The following ZNF821 variants were observed in gnomAD, a reference collection of about 807,000 sequenced individuals.
ZNF821 encodes zinc finger protein 821.
In ZNF821, 16 loss-of-function variants were observed where a neutral mutation model predicts 44.3. The ratio of observed to expected loss-of-function variants is 0.36; its 90% CI spans 0.24 to 0.55. The LOEUF (loss-of-function observed/expected upper bound fraction) is 0.55. ZNF821 is among the 20% of genes least tolerant of loss of function. The pLI is 0.86. For synonymous variants in ZNF821, 204 were observed against 197.6 expected (o/e 1.03, Z -0.27); for missense variants, 436 against 547.6 (o/e 0.80, Z 2.03).
chr16:71,870,407 T>C (rs1268729040), intron 3 of ZNF821, among the ~76,000 whole-genome samples: 1 of 151,648 alleles, frequency 6.6e-6, no homozygotes, highest in East Asian at 1.9e-4. Flanking sequence ...AATACTTCCT[T>C]GTCCCTTTGC....
Position 71,865,051 on chromosome 16 carries a change from G to A in ZNF821, c.167-3C>T. ...CTCTTCATCACCCTCACTGTCACCT[G>A]GAACACACAAACTGGTCACTTGTTC... is the stretch of plus-strand genomic sequence containing the variant. On this transcript the variant is annotated splice_region_variant and splice_polypyrimidine_tract_variant and intron_variant, in intron 4 of 7. Coordinates refer to ENST00000425432, the MANE Select transcript of ZNF821 (RefSeq NM_001201552.2). 1 of 1,614,104 alleles carries A rather than the reference G, an allele frequency of 6.2e-7. No homozygotes were observed. The highest frequency in any genetic ancestry group is 2.2e-5 in the East Asian group (1 of 44,882).
At chr16:71,886,897 A>G (rs962454577), upstream of ZNF821, among the ~76,000 whole-genome samples, 1 of 152,256 alleles carries the variant, frequency 6.6e-6, no homozygotes, top group Non-Finnish European at 1.5e-5. Context: ...TGGACATTTC[A>G]TATAAATGTG....
In ZNF821 at chr16:71,879,902, C is replaced by T; in HGVS notation, c.40+5G>A. ...AGGTTCCAGAAGACAAAGCCCGATACTCACAGTGAACTTTATTTGGATTTG... is the reference window on the plus strand; with the variant it reads ...AGGTTCCAGAAGACAAAGCCCGATATTCACAGTGAACTTTATTTGGATTTG... On this transcript the variant is annotated splice_donor_5th_base_variant and intron_variant, in intron 3 of 7. Transcript: ENST00000425432. 1 of 1,613,536 alleles carries T rather than the reference C, an allele frequency of 6.2e-7. No homozygotes were observed. Among genetic ancestry groups the T allele is most frequent in the East Asian group, 2.2e-5 (1 of 44,838 alleles).
intron 1 of ZNF821, among the ~76,000 whole-genome samples, chr16:71,892,496 C>T (rs1314118408): frequency 1.3e-5 from 2 of 151,238 alleles, no homozygotes; most frequent in Admixed American, 6.6e-5. Flanking sequence ...TCTCTATCTC[C>T]TGACCTCGTG....
chr16:71,889,620 T>C (rs1328330053), upstream of ZNF821, among the ~76,000 whole-genome samples: 1 of 151,916 alleles, frequency 6.6e-6, no homozygotes, highest in Non-Finnish European at 1.5e-5. Flanking sequence ...GTTGCAGTGA[T>C]CCAAGATTAT....
At chr16:71,866,617 AT>A (rs1166405911) in intron 4 of ZNF821, among the ~76,000 whole-genome samples, 2 of 152,154 alleles carry the variant, frequency 1.3e-5, no homozygotes, top group African/African-American at 4.8e-5. Context: ...TACTAGAAAA[AT>A]TTTTTAAAAA....
chr16:71,887,148 T>A (rs534814746), upstream of ZNF821, among the ~76,000 whole-genome samples: 5 of 152,246 alleles, frequency 3.3e-5, no homozygotes, highest in Non-Finnish European at 5.9e-5. Flanking sequence ...ACTATGAACA[T>A]TTGTGTACAG....
Position 71,874,607 on chromosome 16 carries a change from C to T in ZNF821, c.40+5300G>A, listed in dbSNP as rs185711474. ...TAGCTAGGATTACAGGCGTGTGTCACCATGCCCAGCTATTTTTTTGGATTT... is the reference window on the plus strand; with the variant it reads ...TAGCTAGGATTACAGGCGTGTGTCATCATGCCCAGCTATTTTTTTGGATTT... On this transcript the variant is annotated intron_variant, in intron 3 of 7. Coordinates refer to ENST00000425432, the MANE Select transcript of ZNF821 (RefSeq NM_001201552.2). Among the ~76,000 whole-genome samples, 112 of 152,124 alleles carry T rather than the reference C, an allele frequency of 7.4e-4. 1 individual carries two copies. Among genetic ancestry groups the T allele is most frequent in the African/African-American group, 2.5e-3 (104 of 41,524 alleles).
At chr16:71,874,766 C>T (rs2035616285) in intron 3 of ZNF821, among the ~76,000 whole-genome samples, 4 of 152,100 alleles carry the variant, frequency 2.6e-5, no homozygotes, top group Non-Finnish European at 4.4e-5. Context: ...ATTTCATTTA[C>T]TTTTAATAGA....
intron 6 of ZNF821, among the ~76,000 whole-genome samples, chr16:71,862,359 C>G (rs1390592247): frequency 6.6e-6 from 1 of 152,206 alleles, no homozygotes; most frequent in Non-Finnish European, 1.5e-5. Context: ...CCTGTAGTCC[C>G]AGCTACTTGG....
chr16:71,880,318 A>G, intron 2 of ZNF821: 1 of 169,786 alleles, frequency 5.9e-6, no homozygotes, highest in Non-Finnish European at 1.2e-5. Context: ...TAAAAGAGGA[A>G]GTAAAACTCA....
rs1369867164 is a variant in ZNF821, at chr16:71,864,179, C to G, written c.376G>C (p.Asp126His). The part of the protein sequence containing the change: ...ELCQCPLCQL[D>H]CGSREQLIAH... ...ATCAACTGCTCCCGGCTCCCGCAGTCTAGCTGGCAGAGGGGACACTGGCAG... is the reference window on the plus strand; with the variant it reads ...ATCAACTGCTCCCGGCTCCCGCAGTGTAGCTGGCAGAGGGGACACTGGCAG... Residue 126 changes from aspartate (D) to histidine (H), a missense_variant, in exon 6 of 8, where the codon GAC becomes CAC. Transcript: ENST00000425432. 8.1e-6 allele frequency: 13 copies of G among 1,614,246 alleles called. No individual in the cohort carries two copies. Among genetic ancestry groups the G allele is most frequent in the Non-Finnish European group, 1.1e-5 (13 of 1,180,042 alleles).
At chr16:71,887,441 T>G (rs1462106944), upstream of ZNF821, among the ~76,000 whole-genome samples, 27 of 152,068 alleles carry the variant, frequency 1.8e-4, 1 homozygote, top group Admixed American at 1.8e-3. Flanking sequence ...TTTTGTATTT[T>G]TAGTAGAGAC....
chr16:71,875,810 G>C (rs1055663809), intron 3 of ZNF821, among the ~76,000 whole-genome samples: 9 of 152,088 alleles, frequency 5.9e-5, no homozygotes, highest in African/African-American at 1.7e-4. Context: ...TGTTGTCCAG[G>C]GTGGTCTCAA....
At chr16:71,877,326 T>A (rs2035929739) in intron 3 of ZNF821, among the ~76,000 whole-genome samples, 1 of 152,108 alleles carries the variant, frequency 6.6e-6, no homozygotes, top group African/African-American at 2.4e-5. Flanking sequence ...AGTGGCATAA[T>A]CTTGGCTCAC....
chr16:71,892,187 A>AAAG, intron 1 of ZNF821, among the ~76,000 whole-genome samples: 1 of 107,014 alleles, frequency 9.3e-6, no homozygotes, highest in African/African-American at 3.6e-5. Flanking sequence ...TCAAAAAAAA[A>AAAG]AAAAAAAAAA....
At chr16:71,883,403 G>C in intron 1 of ZNF821, 130 bp from the exon 2 acceptor site, 2 of 350,332 alleles carry the variant, frequency 5.7e-6, no homozygotes, top group South Asian at 2.2e-5. Flanking sequence ...CATGAGCCCA[G>C]GTAAATTCCC....
At position 71,893,688 on chromosome 16, in the gene ZNF821, ACCTCAGGTGATCCACCCG is replaced by A. The variant is rs1348427407; in HGVS notation, n.448+1183_448+1200del. Among the ~76,000 whole-genome samples the A allele has an allele frequency of 1.2e-4, 17 of 147,342 alleles. No individual in the cohort carries two copies. The East Asian group carries it at 3.3e-3, about 29-fold the overall frequency. ...TGGCCAGGCTGGTCTTGAACTTCTT[ACCTCAGGTGATCCACCCG>A]CCTCGGCCACCCAAAGTGCTGAGAT... On this transcript the variant is annotated intron_variant and non_coding_transcript_variant, in intron 1 of 2. Coordinates refer to the ZNF821 transcript ENST00000561700.
intron 3 of ZNF821, among the ~76,000 whole-genome samples, 187 bp from the exon 4 acceptor site, chr16:71,868,224 G>A (rs1208383670): frequency 6.6e-6 from 1 of 152,220 alleles, no homozygotes; most frequent in Non-Finnish European, 1.5e-5. Flanking sequence ...TGGGCAGTAA[G>A]CCAGATGCTC....
Sources: gnomAD v4.1 joint callset for allele counts (sites outside exome capture counted in the v4.1 genomes callset) on GRCh38, gnomAD v4.1.1 for gene constraint, MANE v1.5 for transcripts, NCBI Gene and HGNC (gene_info 2026-07-23, HGNC 2026-07-21) for gene names.